Variants in PTPRT observed in about 807,000 individuals in gnomAD.
PTPRT encodes receptor-type tyrosine-protein phosphatase T.
A neutral mutation model predicts 176.8 loss-of-function variants in PTPRT; 56 were observed. The observed-to-expected ratio is 0.32, with a 90% CI of 0.26 to 0.40. PTPRT has a LOEUF of 0.40. Among genes scored for constraint, PTPRT ranks in the 10% least tolerant of loss-of-function variants. PTPRT has a pLI of 1.00. For missense variants in PTPRT, 1,540 were observed against 1,908.2 expected (o/e 0.81, Z 3.60); for synonymous variants, 783 against 739.0 (o/e 1.06, Z -0.96).
At chr20:42,809,887 A>T (rs2077671158) in intron 2 of PTPRT, among the ~76,000 whole-genome samples, 1 of 152,020 alleles carries the variant, frequency 6.6e-6, no homozygotes, top group South Asian at 2.1e-4. Flanking sequence ...AAGTTCCAGG[A>T]ATTACACCTT....
chr20:43,161,511 C>G (rs183554452), intron 1 of PTPRT, among the ~76,000 whole-genome samples: 3 of 152,256 alleles, frequency 2.0e-5, no homozygotes, highest in African/African-American at 7.2e-5. Context: ...AATCATCTTA[C>G]TTAAAATTAC....
intron 2 of PTPRT, among the ~76,000 whole-genome samples, chr20:42,879,782 T>C (rs1600510312): frequency 6.6e-6 from 1 of 152,234 alleles, no homozygotes; most frequent in East Asian, 1.9e-4. Context: ...TGCATGTGCA[T>C]GTGTGTCACC....
intron 18 of PTPRT, among the ~76,000 whole-genome samples, chr20:42,137,466 C>T (rs1988430769): frequency 6.6e-6 from 1 of 152,182 alleles, no homozygotes; most frequent in Non-Finnish European, 1.5e-5. Flanking sequence ...GCAACACATT[C>T]TCCCCCAGGA....
chr20:43,183,088 C>A (rs538057000), intron 1 of PTPRT, among the ~76,000 whole-genome samples: 1 of 152,244 alleles, frequency 6.6e-6, no homozygotes, highest in South Asian at 2.1e-4. Flanking sequence ...CAAAAATGAA[C>A]AAAGCTACCT....
intron 15 of PTPRT, among the ~76,000 whole-genome samples, chr20:42,231,674 C>T (rs892137777): frequency 2.0e-5 from 3 of 152,176 alleles, no homozygotes; most frequent in Admixed American, 2.0e-4. Flanking sequence ...AAACTGTGAC[C>T]TGTGGGCCAA....
At position 42,394,088 on chromosome 20, in the gene PTPRT, A is replaced by G. The variant is rs538844277; in HGVS notation, c.1561-41803T>C. Among the ~76,000 whole-genome samples the G allele has an allele frequency of 1.2e-4, 18 of 152,012 alleles. No homozygotes were observed. In the South Asian group the frequency reaches 3.5e-3, roughly 30 times the overall value. ...TTACTACTTGATGGATATGCCTTCA[A>G]AAATGGTGAAAATGTGTATCTTCCT... On this transcript the variant is annotated intron_variant, in intron 9 of 30. Transcript: ENST00000373187.
intron 9 of PTPRT, among the ~76,000 whole-genome samples, chr20:42,424,988 A>G (rs772651401): frequency 1.3e-5 from 2 of 151,950 alleles, no homozygotes; most frequent in Non-Finnish European, 2.9e-5. Flanking sequence ...TTTGTTTTCT[A>G]TATTTCTTTG....
At chr20:42,693,004 C>T (rs1479045032) in intron 6 of PTPRT, among the ~76,000 whole-genome samples, 1 of 152,152 alleles carries the variant, frequency 6.6e-6, no homozygotes, top group Non-Finnish European at 1.5e-5. Flanking sequence ...ATATGAAAGA[C>T]ATTGAGCTAT....
intron 1 of PTPRT, among the ~76,000 whole-genome samples, chr20:43,021,183 GA>G (rs1414569173): frequency 6.6e-6 from 1 of 152,176 alleles, no homozygotes; most frequent in East Asian, 1.9e-4. Flanking sequence ...AGATGATGGT[GA>G]GACCTGATAA....
chr20:42,641,637 G>A (rs2074754640), intron 7 of PTPRT, among the ~76,000 whole-genome samples: 1 of 152,184 alleles, frequency 6.6e-6, no homozygotes, highest in Admixed American at 6.5e-5. Context: ...AAGGCTGAAT[G>A]TAATTCTTTC....
At position 42,128,839 on chromosome 20, in the gene PTPRT, A is replaced by G; in HGVS notation, c.2771-9T>C. The G allele has an allele frequency of 6.3e-7, 1 of 1,599,590 alleles. No homozygotes were observed. Among genetic ancestry groups the G allele is most frequent in the Middle Eastern group, 1.7e-4 (1 of 6,006 alleles). ...CACCCGGGAATGGTCGTCTGCAGAG[A>G]GAGCAGAAATCAAGGGGATGGTTGA... On this transcript the variant is annotated splice_polypyrimidine_tract_variant and intron_variant, in intron 18 of 30. Coordinates refer to ENST00000373187, the MANE Select transcript of PTPRT (RefSeq NM_007050.6).
intron 1 of PTPRT, among the ~76,000 whole-genome samples, chr20:42,945,914 C>T (rs1444016546): frequency 6.6e-6 from 1 of 152,160 alleles, no homozygotes; most frequent in African/African-American, 2.4e-5. Context: ...AATAATCTGC[C>T]TTCTGTCTCT....
intron 11 of PTPRT, among the ~76,000 whole-genome samples, chr20:42,327,452 T>G (rs2057901503): frequency 6.6e-6 from 1 of 152,110 alleles, no homozygotes; most frequent in Non-Finnish European, 1.5e-5. Flanking sequence ...CAGCATTATG[T>G]CACTTTGAAA....
intron 9 of PTPRT, among the ~76,000 whole-genome samples, chr20:42,402,477 T>C (rs1600963178): frequency 8.7e-6 from 1 of 115,346 alleles, no homozygotes; most frequent in Admixed American, 1.1e-4. Context: ...GGGAGGATAG[T>C]GCAGTTAAAA....
chr20:42,104,057 C>G lies in PTPRT; in HGVS notation c.3540+512G>C, dbSNP rs117897561. On this transcript the variant is annotated intron_variant, in intron 25 of 30. Coordinates refer to ENST00000373187, the MANE Select transcript of PTPRT (RefSeq NM_007050.6). ...ACGGACTAAATGTTTTCATCCCTCCCAAAATCCATGTCGTAATCTTAGCCC... is the reference window on the plus strand; with the variant it reads ...ACGGACTAAATGTTTTCATCCCTCCGAAAATCCATGTCGTAATCTTAGCCC... Among the ~76,000 whole-genome samples, 661 of 152,330 alleles carry G rather than the reference C, an allele frequency of 4.3e-3. 1 individual carries two copies. The highest frequency in any genetic ancestry group is 6.9e-3 in the Non-Finnish European group (469 of 68,040).
chr20:42,621,976 TC>T (rs2074206043), intron 7 of PTPRT, among the ~76,000 whole-genome samples: 1 of 152,170 alleles, frequency 6.6e-6, no homozygotes, highest in Non-Finnish European at 1.5e-5. Context: ...GTCAGGACAG[TC>T]ACCTGAAGTA....
chr20:42,981,342 C>T (rs953809418), intron 1 of PTPRT, among the ~76,000 whole-genome samples: 1 of 152,200 alleles, frequency 6.6e-6, no homozygotes, highest in Admixed American at 6.5e-5. Context: ...CATGTAATCA[C>T]CTGCACAGAG....
intron 24 of PTPRT, 39 bp downstream of exon 24, chr20:42,106,747 G>T: frequency 6.2e-7 from 1 of 1,603,512 alleles, no homozygotes; most frequent in Non-Finnish European, 8.5e-7. Flanking sequence ...CTTGGTCAGG[G>T]CTACAGGTGG....
chr20:42,859,099 G>A (rs1221751901), intron 2 of PTPRT, among the ~76,000 whole-genome samples: 2 of 152,184 alleles, frequency 1.3e-5, no homozygotes, highest in South Asian at 2.1e-4. Context: ...TCAAGTGGCT[G>A]GGGGTGGGGA....
Sources: gnomAD v4.1 joint callset for allele counts (sites outside exome capture counted in the v4.1 genomes callset) on GRCh38, gnomAD v4.1.1 for gene constraint, MANE v1.5 for transcripts, NCBI Gene and HGNC (gene_info 2026-07-23, HGNC 2026-07-21) for gene names.